The following PSG5 variants were observed in gnomAD, a reference collection of about 807,000 sequenced individuals.
PSG5 encodes pregnancy-specific beta-1-glycoprotein 5.
A neutral mutation model predicts 37.7 loss-of-function variants in PSG5; 53 were observed. The ratio of observed to expected loss-of-function variants is 1.41; its 90% confidence interval spans 1.13 to 1.77. The LOEUF (loss-of-function observed/expected upper bound fraction) is 1.77. Ranked by LOEUF, PSG5 falls within the 40% of genes most tolerant of loss-of-function variation. PSG5 has a pLI of 0.00. For synonymous variants in PSG5, 221 were observed against 155.4 expected, an observed-to-expected ratio of 1.42 and a Z score of -3.14; for missense variants, 547 against 405.2, an observed-to-expected ratio of 1.35 and a Z score of -3.00.
At chr19:43,178,268 T>C (rs1007456893) in intron 2 of PSG5, among the ~76,000 whole-genome samples, 2 of 151,630 alleles carry the variant, frequency 1.3e-5, no homozygotes, top group African/African-American at 4.9e-5. Flanking sequence ...GTTCCATCAG[T>C]GGCTGAGTTA....
chr19:43,176,102 C>G lies in PSG5; in HGVS notation c.477G>C (p.Arg159Ser). 6.2e-7 allele frequency: 1 copy of G among 1,611,110 alleles called. No individual in the cohort carries two copies. Among genetic ancestry groups the G allele is most frequent in the Non-Finnish European group, 8.5e-7 (1 of 1,179,148 alleles). The change falls in exon 3 of 6, where the codon AGG (arginine) becomes AGC (serine). Residue 159 changes from arginine (R) to serine (S), a missense_variant. Coordinates refer to ENST00000342951, the MANE Select transcript of PSG5 (RefSeq NM_002781.4). ...TGAAGGCTAAGACATCCTTATTCTCCCTGGGTTTTGAGTTGTTGATGGTGA... is the reference window on the plus strand; with the variant it reads ...TGAAGGCTAAGACATCCTTATTCTCGCTGGGTTTTGAGTTGTTGATGGTGA... ...PYITINNSKP[R>S]ENKDVLAFTC... is the part of the protein sequence containing the mutation.
chr19:43,184,990 G>A lies in PSG5; in HGVS notation c.222C>T (p.Asp74=). ...CATATGATGTAATGTAATGGTAGAGGTCCATCAGTTGTCCTTTGTACCAGA... is the reference window on the plus strand; with the variant it reads ...CATATGATGTAATGTAATGGTAGAGATCCATCAGTTGTCCTTTGTACCAGA... ...GYIWYKGQLM[D]LYHYITSYVV... The change falls in exon 2 of 6, where the codon GAC becomes GAT. Residue 74 remains aspartate, a synonymous_variant. Coordinates refer to ENST00000342951, the MANE Select transcript of PSG5 (RefSeq NM_002781.4). The A allele has an allele frequency of 6.2e-7, 1 of 1,612,544 alleles. No homozygotes were observed. The highest frequency in any genetic ancestry group is 8.5e-7 in the Non-Finnish European group (1 of 1,179,140).
intron 4 of PSG5, 34 bp downstream of exon 4, chr19:43,175,181 A>G: frequency 6.2e-7 from 1 of 1,612,190 alleles, no homozygotes; most frequent in East Asian, 2.2e-5. Context: ...CTCCACCTAA[A>G]ACCCTATTGC....
At chr19:43,170,486 C>G in intron 4 of PSG5, 1 of 454,682 alleles carries the variant, frequency 2.2e-6, no homozygotes, top group Non-Finnish European at 4.3e-6. Flanking sequence ...TCTGTTGTGG[C>G]AGCCATGAAT....
At chr19:43,173,594 A>C (rs1035800712) in intron 4 of PSG5, among the ~76,000 whole-genome samples, 1 of 151,694 alleles carries the variant, frequency 6.6e-6, no homozygotes, top group Non-Finnish European at 1.5e-5. Context: ...CAATAAGCCC[A>C]TGCAAAGTTC....
chr19:43,176,903 CCTT>C (rs1327992204), intron 2 of PSG5, among the ~76,000 whole-genome samples: 1 of 151,290 alleles, frequency 6.6e-6, no homozygotes, highest in East Asian at 1.9e-4. Context: ...AGTTTCCTCT[CCTT>C]CTGCAGAGGG....
intron 2 of PSG5, among the ~76,000 whole-genome samples, chr19:43,178,526 G>T (rs1363308789): frequency 6.6e-6 from 1 of 151,552 alleles, no homozygotes; most frequent in African/African-American, 2.4e-5. Flanking sequence ...AGAGGGAAGG[G>T]AAAATCCTGG....
At chr19:43,174,028 A>G (rs931901673) in intron 4 of PSG5, 3 of 151,774 alleles carry the variant, frequency 2.0e-5, no homozygotes, top group Non-Finnish European at 4.4e-5. Context: ...ATGTTATTCA[A>G]CCTTAACAAG....
intron 4 of PSG5, chr19:43,174,340 CTTATA>C (rs1174501056): frequency 1.7e-6 from 1 of 601,430 alleles, no homozygotes; most frequent in Non-Finnish European, 2.1e-6. Flanking sequence ...AATGGTAAGT[CTTATA>C]TTAGATATAT....
intron 2 of PSG5, among the ~76,000 whole-genome samples, chr19:43,182,183 T>A (rs1247084996): frequency 2.0e-5 from 3 of 151,654 alleles, no homozygotes; most frequent in Non-Finnish European, 4.4e-5. Context: ...ACAACCTTAC[T>A]TTGCCCAGGG....
chr19:43,175,512 GA>G lies in PSG5; in HGVS notation c.710-44del, dbSNP rs770213285. The G allele has an allele frequency of 2.5e-6, 4 of 1,571,386 alleles. No homozygotes were observed. In the South Asian group the frequency reaches 4.8e-5, roughly 19 times the overall value. On this transcript the variant is annotated intron_variant, in intron 3 of 5. Transcript: ENST00000342951. ...AAGCCACAGGTGATGTCATCCAAGGGAAGGGGATGCTCCTGGTCTCTTAAAG... is the reference window on the plus strand; with the variant it reads ...AAGCCACAGGTGATGTCATCCAAGGGAGGGGATGCTCCTGGTCTCTTAAAG...
chr19:43,186,042 T>A (rs1384851709), intron 1 of PSG5, among the ~76,000 whole-genome samples: 1 of 151,280 alleles, frequency 6.6e-6, no homozygotes, highest in African/African-American at 2.4e-5. Flanking sequence ...AGTGGTGCTA[T>A]CTCGGCTCGC....
rs760530505 is a variant in PSG5, at chr19:43,185,436, C to G, written c.65-289G>C. Among the ~76,000 whole-genome samples, 33 of 150,172 alleles carry G rather than the reference C, an allele frequency of 2.2e-4. No homozygotes were observed. The South Asian group carries it at 3.6e-3, about 16-fold the overall frequency. On this transcript the variant is annotated intron_variant, in intron 1 of 5. Transcript: ENST00000342951. ...CCCAGGGGTCCACACGGCACCCCCCCCCCCCCACACTGCCCTCAGGTCCTG... is the reference window on the plus strand; with the variant it reads ...CCCAGGGGTCCACACGGCACCCCCCGCCCCCCACACTGCCCTCAGGTCCTG...
At chr19:43,177,561 T>C (rs547922328) in intron 2 of PSG5, among the ~76,000 whole-genome samples, 1 of 151,418 alleles carries the variant, frequency 6.6e-6, no homozygotes, top group South Asian at 2.1e-4. Flanking sequence ...TTTTGGTCAA[T>C]TCCACACTGG....
chr19:43,171,493 C>A, intron 4 of PSG5: 2 of 233,566 alleles, frequency 8.6e-6, no homozygotes, highest in African/African-American at 4.6e-5. Context: ...TAAACCCAAG[C>A]ACAGTGAATG....
At chr19:43,175,801 G>C in intron 3 of PSG5, 69 bp downstream of exon 3, 1 of 1,595,634 alleles carries the variant, frequency 6.3e-7, no homozygotes, top group Non-Finnish European at 8.5e-7. Flanking sequence ...GAAAGACTGA[G>C]AGGACTGGCT....
In PSG5 at chr19:43,175,276, G is replaced by A; in HGVS notation, c.903C>T (p.Cys301=). The A allele has an allele frequency of 6.2e-7, 1 of 1,612,784 alleles. No individual in the cohort carries two copies. The highest frequency in any genetic ancestry group is 8.5e-7 in the Non-Finnish European group (1 of 1,179,214). Residue 301 remains cysteine, a synonymous_variant, in exon 4 of 6, where the codon TGC becomes TGT. Coordinates refer to ENST00000342951, the MANE Select transcript of PSG5 (RefSeq NM_002781.4). Reference sequence around the variant, plus strand: ...TGCCAGTAGCTGAGTTACGAACAGAGCAAGTATAGAGCCCTCTATGCTTTG... The same window carrying A: ...TGCCAGTAGCTGAGTTACGAACAGAACAAGTATAGAGCCCTCTATGCTTTG... ...ITTKHRGLYT[C]SVRNSATGKE...
At chr19:43,172,187 A>G (rs1336979022) in intron 4 of PSG5, among the ~76,000 whole-genome samples, 1 of 151,568 alleles carries the variant, frequency 6.6e-6, no homozygotes, top group East Asian at 1.9e-4. Flanking sequence ...AAAGCATTTG[A>G]TGAAATTCAA....
At chr19:43,182,628 T>C (rs1449816453) in intron 2 of PSG5, among the ~76,000 whole-genome samples, 2 of 149,482 alleles carry the variant, frequency 1.3e-5, no homozygotes, top group African/African-American at 5.0e-5. Context: ...ATTTGAGTAA[T>C]AATAAACCTC....
Sources: gnomAD v4.1 joint callset for allele counts (sites outside exome capture counted in the v4.1 genomes callset) on GRCh38, gnomAD v4.1.1 for gene constraint, MANE v1.5 for transcripts, NCBI Gene and HGNC (gene_info 2026-07-23, HGNC 2026-07-21) for gene names.